HS6ST3: variants seen among roughly 807,000 people sequenced by gnomAD.
The protein encoded by HS6ST3 is heparan sulfate 6-O-sulfotransferase 3, also known as heparan-sulfate 6-O-sulfotransferase 3.
A neutral mutation model predicts 36.7 loss-of-function variants in HS6ST3; 12 were observed. That is an observed-to-expected ratio of 0.33 (90% CI 0.21 to 0.53). HS6ST3 has a LOEUF of 0.53. Ranked by LOEUF, HS6ST3 falls within the 20% of genes least tolerant of loss-of-function variation. The pLI, the probability that HS6ST3 is intolerant of heterozygous loss-of-function variation, is 0.95. For synonymous variants in HS6ST3, 240 were observed against 257.5 expected (o/e 0.93, Z 0.65); for missense variants, 584 against 640.9 (o/e 0.91, Z 0.96).
chr13:96,197,669 G>A (rs1279011566), intron 1 of HS6ST3, among the ~76,000 whole-genome samples: 1 of 152,212 alleles, frequency 6.6e-6, no homozygotes, highest in Non-Finnish European at 1.5e-5. Context: ...GAGGGTACAG[G>A]TGTTAGGTAA....
At chr13:96,812,338 GC>G (rs1218687066) in intron 1 of HS6ST3, among the ~76,000 whole-genome samples, 2 of 152,078 alleles carry the variant, frequency 1.3e-5, no homozygotes, top group Non-Finnish European at 2.9e-5. Flanking sequence ...CTTTCTTGAA[GC>G]CTTTTTTTCC....
chr13:96,164,484 G>A (rs1272457979), intron 1 of HS6ST3, among the ~76,000 whole-genome samples: 1 of 151,686 alleles, frequency 6.6e-6, no homozygotes, highest in African/African-American at 2.4e-5. Flanking sequence ...TTGAGCCCAG[G>A]AGTTTGAGGC....
At chr13:96,171,542 T>C (rs1205009577) in intron 1 of HS6ST3, among the ~76,000 whole-genome samples, 1 of 152,344 alleles carries the variant, frequency 6.6e-6, no homozygotes, top group South Asian at 2.1e-4. Flanking sequence ...AATCTCATAC[T>C]ATATTTGAAC....
At chr13:96,746,277 A>C (rs1376501525) in intron 1 of HS6ST3, among the ~76,000 whole-genome samples, 1 of 152,092 alleles carries the variant, frequency 6.6e-6, no homozygotes, top group East Asian at 1.9e-4. Flanking sequence ...TAAGTAACTT[A>C]TCCAAGGTCA....
chr13:96,166,502 T>C (rs1221310449), intron 1 of HS6ST3, among the ~76,000 whole-genome samples: 3 of 152,148 alleles, frequency 2.0e-5, no homozygotes, highest in Non-Finnish European at 1.5e-5. Context: ...GAATTTAATA[T>C]AGTCTATAGT....
At chr13:96,785,533 T>A (rs909656177) in intron 1 of HS6ST3, among the ~76,000 whole-genome samples, 3 of 152,160 alleles carry the variant, frequency 2.0e-5, no homozygotes, top group Admixed American at 6.6e-5. Flanking sequence ...TGTCTCCTGG[T>A]CCACTGTTGC....
At chr13:96,184,634 A>G (rs1594708084) in intron 1 of HS6ST3, among the ~76,000 whole-genome samples, 2 of 151,768 alleles carry the variant, frequency 1.3e-5, no homozygotes, top group African/African-American at 4.8e-5. Context: ...TTCTTCCTCC[A>G]TATTGCACTA....
intron 1 of HS6ST3, among the ~76,000 whole-genome samples, chr13:96,484,186 T>A (rs1195422951): frequency 1.3e-5 from 2 of 152,138 alleles, no homozygotes; most frequent in African/African-American, 2.4e-5. Flanking sequence ...GAATTGTATA[T>A]GTTTAAAGTG....
intron 1 of HS6ST3, among the ~76,000 whole-genome samples, chr13:96,689,357 T>C (rs1874873488): frequency 6.6e-6 from 1 of 152,084 alleles, no homozygotes; most frequent in Admixed American, 6.6e-5. Context: ...CCAGGGTCTT[T>C]TCTATTTTCC....
At chr13:96,359,225 A>G (rs530015159) in intron 1 of HS6ST3, among the ~76,000 whole-genome samples, 1 of 152,128 alleles carries the variant, frequency 6.6e-6, no homozygotes, top group Non-Finnish European at 1.5e-5. Context: ...ATGATTGATA[A>G]TGTAAATGAA....
intron 1 of HS6ST3, among the ~76,000 whole-genome samples, chr13:96,476,266 T>C (rs2055863493): frequency 6.6e-6 from 1 of 152,188 alleles, no homozygotes; most frequent in East Asian, 1.9e-4. Flanking sequence ...TGACAGATGC[T>C]AGGGGTCTTT....
intron 1 of HS6ST3, among the ~76,000 whole-genome samples, chr13:96,782,976 A>G (rs570847150): frequency 4.6e-5 from 7 of 152,292 alleles, no homozygotes; most frequent in African/African-American, 1.7e-4. Flanking sequence ...TCTCATCTAT[A>G]AGAACAAGCA....
chr13:96,327,267 T>C (rs1231089505), intron 1 of HS6ST3, among the ~76,000 whole-genome samples: 1 of 151,826 alleles, frequency 6.6e-6, no homozygotes, highest in African/African-American at 2.4e-5. Flanking sequence ...GCCTATGTCC[T>C]GAATGGTAAT....
intron 1 of HS6ST3, among the ~76,000 whole-genome samples, chr13:96,147,122 CAG>C (rs2054061905): frequency 6.6e-6 from 1 of 152,176 alleles, no homozygotes; most frequent in African/African-American, 2.4e-5. Flanking sequence ...TAATTGAAAA[CAG>C]AGCAAACGTG....
intron 1 of HS6ST3, among the ~76,000 whole-genome samples, chr13:96,308,002 G>T (rs1594749178): frequency 6.6e-6 from 1 of 152,068 alleles, no homozygotes; most frequent in African/African-American, 2.4e-5. Flanking sequence ...AGAAGATGAA[G>T]AGTCAAGGGT....
chr13:96,219,254 CAT>C (rs917957124), intron 1 of HS6ST3, among the ~76,000 whole-genome samples: 129 of 152,224 alleles, frequency 8.5e-4, no homozygotes, highest in East Asian at 7.7e-4. Flanking sequence ...TATTTTGTAA[CAT>C]GTGTACATTG....
intron 1 of HS6ST3, among the ~76,000 whole-genome samples, chr13:96,352,904 C>T (rs923489167): frequency 1.2e-4 from 18 of 152,032 alleles, no homozygotes; most frequent in Non-Finnish European, 2.2e-4. Flanking sequence ...GAATTGGGGA[C>T]ACAGAGAGAT....
chr13:96,401,125 G>C (rs2055449003), intron 1 of HS6ST3, among the ~76,000 whole-genome samples: 2 of 152,164 alleles, frequency 1.3e-5, no homozygotes, highest in South Asian at 4.1e-4. Flanking sequence ...GGGTGCAGAA[G>C]GAGGCTGGAC....
At chr13:96,559,036 A>G (rs779251550) in intron 1 of HS6ST3, among the ~76,000 whole-genome samples, 3 of 152,034 alleles carry the variant, frequency 2.0e-5, no homozygotes, top group Admixed American at 6.6e-5. Flanking sequence ...TGAATTTTGG[A>G]GCCATTTTAA....
Sources: allele counts gnomAD v4.1 joint callset (sites outside exome capture counted in the v4.1 genomes callset), GRCh38; gene constraint gnomAD v4.1.1; transcripts MANE v1.5; gene names NCBI Gene and HGNC (gene_info 2026-07-23, HGNC 2026-07-21).